The following ZHX3 variants were observed in gnomAD, a reference collection of about 807,000 sequenced individuals.
ZHX3 encodes zinc fingers and homeoboxes protein 3.
ZHX3 carries 20 observed loss-of-function variants against 64.5 expected under a neutral mutation model. The observed-to-expected ratio is 0.31, with a 90% CI of 0.22 to 0.45. The LOEUF (loss-of-function observed/expected upper bound fraction) is 0.45. Among genes scored for constraint, ZHX3 ranks in the 20% least tolerant of loss-of-function variants. The pLI is 1.00. For synonymous variants in ZHX3, 423 were observed against 461.6 expected, an observed-to-expected ratio of 0.92 and a Z score of 1.07; for missense variants, 1,041 against 1,195.8, an observed-to-expected ratio of 0.87 and a Z score of 1.91.
chr20:41,283,674 G>A (rs2043800848), intron 1 of ZHX3, among the ~76,000 whole-genome samples: 1 of 152,032 alleles, frequency 6.6e-6, no homozygotes, highest in South Asian at 2.1e-4. Flanking sequence ...GTAGAATGAT[G>A]TGAACCTGGG....
At position 41,203,414 on chromosome 20, in the gene ZHX3, T is replaced by C; in HGVS notation, c.1503A>G (p.Lys501=). The C allele has an allele frequency of 6.2e-7, 1 of 1,614,162 alleles. No homozygotes were observed. The highest frequency in any genetic ancestry group is 8.5e-7 in the Non-Finnish European group (1 of 1,180,024). The change falls in exon 3 of 4, where the codon AAA becomes AAG. Residue 501 remains lysine, a synonymous_variant. Coordinates refer to ENST00000683867, the MANE Select transcript of ZHX3 (RefSeq NM_001384317.1). The surrounding 1 kb of genome is among the most constrained non-coding windows in gnomAD (Gnocchi z 7.1). The part of the protein sequence containing the change: ...FLDASIYKNK[K]SHEQLSALKG... ...TCAGAGCTGACAGCTGTTCATGAGA[T>C]TTCTTATTTTTGTAGATGCTAGCAT...
chr20:41,263,182 TAAAC>T (rs1310241742), intron 2 of ZHX3, among the ~76,000 whole-genome samples: 1 of 152,042 alleles, frequency 6.6e-6, no homozygotes, highest in Non-Finnish European at 1.5e-5. Flanking sequence ...AAAGATAAGT[TAAAC>T]AGACAAAATC....
intron 1 of ZHX3, among the ~76,000 whole-genome samples, chr20:41,310,560 A>G (rs2045101349): frequency 6.6e-6 from 1 of 152,208 alleles, no homozygotes; most frequent in Non-Finnish European, 1.5e-5. Flanking sequence ...GGTAAGCATT[A>G]CTGACGTAAA....
At chr20:41,236,338 G>C (rs1175273732) in intron 2 of ZHX3, among the ~76,000 whole-genome samples, 1 of 152,160 alleles carries the variant, frequency 6.6e-6, no homozygotes, top group Non-Finnish European at 1.5e-5. Flanking sequence ...AAAGAACAAA[G>C]CTGGAGGCAT....
At chr20:41,264,039 T>C (rs964223906) in intron 2 of ZHX3, among the ~76,000 whole-genome samples, 1 of 152,106 alleles carries the variant, frequency 6.6e-6, no homozygotes, top group African/African-American at 2.4e-5. Flanking sequence ...ACTAAATAGA[T>C]GAGTTTTTAA....
At chr20:41,242,190 T>C (rs1476156489) in intron 2 of ZHX3, among the ~76,000 whole-genome samples, 4 of 152,228 alleles carry the variant, frequency 2.6e-5, no homozygotes, top group Non-Finnish European at 5.9e-5. Flanking sequence ...GTGCTTTACA[T>C]TTATTTTCTC....
chr20:41,214,892 T>C (rs182600038), intron 2 of ZHX3, among the ~76,000 whole-genome samples: 10 of 152,346 alleles, frequency 6.6e-5, no homozygotes, highest in African/African-American at 2.4e-4. Flanking sequence ...GGCCAGGTGA[T>C]GTTTGCATTT....
At chr20:41,187,431 T>C (rs77132203) in intron 3 of ZHX3, among the ~76,000 whole-genome samples, 10,961 of 152,098 alleles carry the variant, frequency 0.072, 441 homozygotes, top group Middle Eastern at 0.17. Context: ...AGTTCTTTGA[T>C]CTATTTTAAG....
chr20:41,222,843 T>C (rs1328507083), intron 2 of ZHX3, among the ~76,000 whole-genome samples: 9 of 151,228 alleles, frequency 6.0e-5, no homozygotes, highest in Middle Eastern at 3.4e-3. Flanking sequence ...GTGGGCCAGA[T>C]AGTTTACAGG....
chr20:41,289,504 C>T (rs2146735000), intron 1 of ZHX3, among the ~76,000 whole-genome samples: 1 of 152,170 alleles, frequency 6.6e-6, no homozygotes, highest in East Asian at 1.9e-4. Context: ...TACATTATTG[C>T]ACTGGTTACA....
chr20:41,238,901 T>C (rs560317542), intron 2 of ZHX3: 1 of 152,130 alleles, frequency 6.6e-6, no homozygotes, highest in African/African-American at 2.4e-5. Flanking sequence ...TAAAGGTGGT[T>C]TGCTGGCACA....
At chr20:41,246,884 C>A (rs200109415) in intron 2 of ZHX3, among the ~76,000 whole-genome samples, 5 of 144,946 alleles carry the variant, frequency 3.4e-5, no homozygotes, top group Admixed American at 6.9e-5. Flanking sequence ...AAAAAAAAAA[C>A]CAAACAAACA....
Position 41,228,655 on chromosome 20 carries a change from G to A in ZHX3, c.-150-23589C>T, listed in dbSNP as rs186602548. Among the ~76,000 whole-genome samples the A allele has an allele frequency of 1.7e-3, 254 of 152,192 alleles. No homozygotes were observed. Among genetic ancestry groups the A allele is most frequent in the Middle Eastern group, 0.01 (3 of 294 alleles). On this transcript the variant is annotated intron_variant, in intron 2 of 3. Transcript: ENST00000683867. This position sits in a 1 kb window ranked among gnomAD's most constrained non-coding sequence, Gnocchi z 4.6. ...CCATTCATGAGAGCTCTATCCCAGT[G>A]ACCTAATTACCCTCCAAATGCCTCA...
Position 41,203,366 on chromosome 20 carries a change from C to T in ZHX3, c.1551G>A (p.Gln517=), listed in dbSNP as rs758811846. The T allele has an allele frequency of 6.2e-7, 1 of 1,614,178 alleles. No homozygotes were observed. The highest frequency in any genetic ancestry group is 8.5e-7 in the Non-Finnish European group (1 of 1,180,036). Residue 517 remains glutamine, a synonymous_variant, in exon 3 of 4, where the codon CAG becomes CAA. Coordinates refer to ENST00000683867, the MANE Select transcript of ZHX3 (RefSeq NM_001384317.1). The surrounding 1 kb of genome is among the most constrained non-coding windows in gnomAD (Gnocchi z 7.1). The part of the protein sequence containing the change: ...SALKGSFCRN[Q]FPGQSEVEHL... ...GTTCAACTTCGCTCTGCCCTGGGAA[C>T]TGGTTCCGACAGAAGCTCCCTTTCA...
chr20:41,197,400 A>G (rs1159080843), intron 3 of ZHX3, among the ~76,000 whole-genome samples: 1 of 147,016 alleles, frequency 6.8e-6, no homozygotes, highest in Non-Finnish European at 1.5e-5. Context: ...AATATATTTT[A>G]TATATAATTG....
chr20:41,295,188 G>A (rs1434549455), intron 1 of ZHX3, among the ~76,000 whole-genome samples: 1 of 151,950 alleles, frequency 6.6e-6, no homozygotes. Context: ...AGAGGGAGGG[G>A]TGGGGAAACT....
At chr20:41,261,150 C>T (rs561904614) in intron 2 of ZHX3, among the ~76,000 whole-genome samples, 128 of 152,054 alleles carry the variant, frequency 8.4e-4, no homozygotes, top group African/African-American at 2.9e-3. Flanking sequence ...GACCTGGAAA[C>T]ATCTGAAAAC....
At chr20:41,273,765 T>C (rs2043258278) in intron 1 of ZHX3, among the ~76,000 whole-genome samples, 1 of 152,190 alleles carries the variant, frequency 6.6e-6, no homozygotes, top group Non-Finnish European at 1.5e-5. Context: ...TCTTTTGAAA[T>C]TGGGAAGCAT....
At chr20:41,272,606 T>A (rs2043196961) in intron 1 of ZHX3, among the ~76,000 whole-genome samples, 1 of 152,210 alleles carries the variant, frequency 6.6e-6, no homozygotes, top group South Asian at 2.1e-4. Flanking sequence ...TTGTGGATAT[T>A]CCCTAAAAAT....
Sources: gnomAD v4.1 joint callset for allele counts (sites outside exome capture counted in the v4.1 genomes callset) on GRCh38, gnomAD v4.1.1 for gene constraint, Gnocchi (gnomAD v3.1) non-coding constraint, MANE v1.5 for transcripts, NCBI Gene and HGNC (gene_info 2026-07-23, HGNC 2026-07-21) for gene names.